NOC3L: variants seen among roughly 807,000 people sequenced by gnomAD.
The protein encoded by NOC3L is NOC3 like DNA replication regulator.
Under a neutral mutation model 102.5 loss-of-function variants are expected in NOC3L, and 85 were observed. That is an observed-to-expected ratio of 0.83 (90% confidence interval 0.70 to 0.99). The LOEUF (loss-of-function observed/expected upper bound fraction) is 0.99, where lower values mean the gene tolerates loss of function less well. Ranked by LOEUF, NOC3L falls within the 50% of genes least tolerant of loss-of-function variation. The probability of loss-of-function intolerance (pLI) is 0.00; values close to 1 mark genes in which losing one functional copy is unlikely to be tolerated. For missense variants in NOC3L, 878 were observed against 914.9 expected, an observed-to-expected ratio of 0.96 and a Z score of 0.52; for synonymous variants, 303 against 309.4, an observed-to-expected ratio of 0.98 and a Z score of 0.22.
At chr10:94,331,333 C>T (rs963875101), downstream of NOC3L, 6 of 152,190 alleles carry the variant, frequency 3.9e-5, no homozygotes, top group Non-Finnish European at 5.9e-5. Flanking sequence ...TACATCGTCC[C>T]CTTCCTTTCT....
At chr10:94,332,832 T>C (rs1011006912), downstream of NOC3L, 3 of 152,212 alleles carry the variant, frequency 2.0e-5, no homozygotes, top group Non-Finnish European at 4.4e-5. Flanking sequence ...TATTGGTCAC[T>C]TGTGCTCTGA....
chr10:94,347,991 C>A (rs1245739549), intron 10 of NOC3L, among the ~76,000 whole-genome samples: 1 of 151,240 alleles, frequency 6.6e-6, no homozygotes. Flanking sequence ...TCAATTATAC[C>A]CTTTCTGATT....
chr10:94,354,078 T>C (rs1325679157), intron 6 of NOC3L, among the ~76,000 whole-genome samples: 1 of 152,190 alleles, frequency 6.6e-6, no homozygotes, highest in Non-Finnish European at 1.5e-5. Context: ...GGTTTTGTAA[T>C]GATTGAGAGA....
intron 17 of NOC3L, among the ~76,000 whole-genome samples, 179 bp from the exon 18 acceptor site, chr10:94,338,915 C>A (rs969136655): frequency 6.6e-6 from 1 of 150,522 alleles, no homozygotes; most frequent in Admixed American, 6.6e-5. Context: ...ACAAGAGTTG[C>A]AAAAAAAAAT....
At chr10:94,349,137 G>A in intron 10 of NOC3L, 113 bp downstream of exon 10, 3 of 1,139,232 alleles carry the variant, frequency 2.6e-6, no homozygotes, top group Non-Finnish European at 3.7e-6. Context: ...AACACTTAAG[G>A]AGCTTGAATA....
intron 9 of NOC3L, 105 bp from the exon 10 acceptor site, chr10:94,349,483 TA>T (rs1358632384): frequency 1.0e-6 from 1 of 974,944 alleles, no homozygotes; most frequent in Non-Finnish European, 1.4e-6. Flanking sequence ...CTAGGATGTT[TA>T]AAAGCCTCCA....
chr10:94,320,294 G>GA, the NOC3L span, among the ~76,000 whole-genome samples: 3 of 151,506 alleles, frequency 2.0e-5, no homozygotes, highest in Non-Finnish European at 4.4e-5. Flanking sequence ...TCATTCATGG[G>GA]AAAAAAATCA....
chr10:94,327,919 G>T, the NOC3L span: 1 of 512,970 alleles, frequency 1.9e-6, no homozygotes, highest in Non-Finnish European at 4.0e-6. Flanking sequence ...AAGTGTTTCT[G>T]TTTCTTCATT....
At chr10:94,361,978 G>A (rs1466197742) in intron 1 of NOC3L, 106 bp from the exon 2 acceptor site, 4 of 866,192 alleles carry the variant, frequency 4.6e-6, no homozygotes, top group Non-Finnish European at 7.5e-6. Flanking sequence ...CAATTTCAAT[G>A]TCCCACAGCC....
the NOC3L span, among the ~76,000 whole-genome samples, chr10:94,327,233 C>T: frequency 6.6e-6 from 1 of 152,140 alleles, no homozygotes; most frequent in Non-Finnish European, 1.5e-5. Flanking sequence ...ATGTTATGAC[C>T]TCCTTTACAA....
rs201542910 is a variant in NOC3L at position 94,358,167 on chromosome 10, A to G, written c.266T>C (p.Leu89Ser). Residue 89 changes from leucine to serine, a missense_variant, in exon 3 of 21, where the codon TTA becomes TCA. Leu to Ser is a moderately radical substitution (Grantham distance 145, BLOSUM62 -2). Coordinates refer to ENST00000371361, the MANE Select transcript of NOC3L (RefSeq NM_022451.11). ...EEEEEEEALP[L>S]DMMDEDDLQL... ...TAAGTCATCTTCATCCATCATATCT[A>G]AAGGAAGGGCTTCTTCTTCTTCCTC... 13 of 1,610,158 alleles carry G rather than the reference A, an allele frequency of 8.1e-6. No homozygotes were observed. The highest frequency in any genetic ancestry group is 1.7e-4 in the Middle Eastern group (1 of 6,056).
chr10:94,316,818 C>T, the NOC3L span: 1 of 1,190,912 alleles, frequency 8.4e-7, no homozygotes, highest in Non-Finnish European at 1.3e-6. Context: ...CCATTTACCA[C>T]TCACAACCTC....
intron 8 of NOC3L, 93 bp from the exon 9 acceptor site, chr10:94,350,381 TAAAC>T (rs2054400507): frequency 2.9e-6 from 3 of 1,039,772 alleles, no homozygotes; most frequent in East Asian, 4.8e-5. Flanking sequence ...TTAACACACA[TAAAC>T]ACACACACAC....
intron 11 of NOC3L, among the ~76,000 whole-genome samples, 158 bp from the exon 12 acceptor site, chr10:94,345,091 T>C (rs1329325641): frequency 6.6e-6 from 1 of 152,094 alleles, no homozygotes. Flanking sequence ...ACGGGAAGTA[T>C]ATACAAACCA....
chr10:94,350,086 C>T lies in NOC3L; in HGVS notation c.1128+27G>A, dbSNP rs372845287. ...ATGGTGTATAATTTTCTAAGGAGGA[C>T]AGCAATAACCATTTACAGCAACTCA... On this transcript the variant is annotated intron_variant, in intron 9 of 20. Coordinates refer to ENST00000371361, the MANE Select transcript of NOC3L (RefSeq NM_022451.11). 3.5e-5 allele frequency: 56 copies of T among 1,610,128 alleles called. No individual in the cohort carries two copies. The African/African-American group carries it at 6.5e-4, about 19-fold the overall frequency.
chr10:94,355,637 C>T (rs765075000), intron 5 of NOC3L, among the ~76,000 whole-genome samples: 16 of 152,108 alleles, frequency 1.1e-4, no homozygotes, highest in Non-Finnish European at 1.8e-4. Flanking sequence ...GATCCTCCCA[C>T]CTCAGCATCC....
Position 94,338,729 on chromosome 10 carries a change from G to C in NOC3L, c.1970C>G (p.Pro657Arg), listed in dbSNP as rs764263288. The change falls in exon 18 of 21, where the codon CCC (proline) becomes CGC (arginine). Residue 657 changes from proline (P) to arginine (R), a missense_variant. Coordinates refer to ENST00000371361, the MANE Select transcript of NOC3L (RefSeq NM_022451.11). ...ACTGTCAAGCAGTAGATCTGTTTTG[G>C]GGAAAGTCTGCAAAAATGTCACATA... ...ATTRILMHTF[P>R]KTDLLLDSES... 6.2e-7 allele frequency: 1 copy of C among 1,610,066 alleles called. No homozygotes were observed. The highest frequency in any genetic ancestry group is 8.5e-7 in the Non-Finnish European group (1 of 1,178,472).
intron 12 of NOC3L, 48 bp downstream of exon 12, chr10:94,344,805 A>G: frequency 7.0e-7 from 1 of 1,421,482 alleles, no homozygotes; most frequent in Non-Finnish European, 9.6e-7. Context: ...TTCTAGTTTA[A>G]ACAACTTAAC....
chr10:94,344,465 C>A lies in NOC3L; in HGVS notation c.1521G>T (p.Lys507Asn). The A allele has an allele frequency of 6.2e-7, 1 of 1,613,874 alleles. No homozygotes were observed. Among genetic ancestry groups the A allele is most frequent in the Non-Finnish European group, 8.5e-7 (1 of 1,179,808 alleles). ...IVFVTYFRILKKAQRSPLLPA... is the reference protein window; with the variant it reads ...IVFVTYFRILNKAQRSPLLPA... ...GCAGGAGAGGTGACCTCTGGGCCTT[C>A]TTCAATATTCTGAAGTAGGTTACAA... The change falls in exon 13 of 21, where the codon AAG becomes AAT. Residue 507 changes from lysine (K) to asparagine (N), a missense_variant. Physicochemically the swap from Lys to Asn is moderately conservative, Grantham distance 94. Transcript: ENST00000371361.
Sources: gnomAD v4.1 joint callset for allele counts (sites outside exome capture counted in the v4.1 genomes callset) on GRCh38, gnomAD v4.1.1 for gene constraint, MANE v1.5 for transcripts, NCBI Gene and HGNC (gene_info 2026-07-23, HGNC 2026-07-21) for gene names.